The following EXOC2 variants were observed in gnomAD, a reference collection of about 807,000 sequenced individuals.
EXOC2 encodes the protein SEC5-like 1.
EXOC2 carries 70 observed loss-of-function variants against 131.8 expected under a neutral mutation model. The observed-to-expected ratio is 0.53, with a 90% CI of 0.44 to 0.65. EXOC2 has a LOEUF of 0.65. Ranked by LOEUF, EXOC2 falls within the 30% of genes least tolerant of loss-of-function variation. EXOC2 has a pLI of 0.00. For missense variants in EXOC2, 923 were observed against 1,108.6 expected, an observed-to-expected ratio of 0.83 and a Z score of 2.38; for synonymous variants, 411 against 398.4, an observed-to-expected ratio of 1.03 and a Z score of -0.38.
intron 13 of EXOC2, among the ~76,000 whole-genome samples, chr6:566,522 G>A (rs1367470361): frequency 1.3e-5 from 2 of 152,202 alleles, no homozygotes; most frequent in Non-Finnish European, 2.9e-5. Flanking sequence ...TAACACCAGC[G>A]GCTCTGAGTG....
chr6:614,135 T>C (rs1212790003), intron 6 of EXOC2, among the ~76,000 whole-genome samples: 3 of 152,082 alleles, frequency 2.0e-5, no homozygotes, highest in Admixed American at 6.6e-5. Flanking sequence ...CTCTAAACTC[T>C]TGAAATGTTC....
Position 581,732 on chromosome 6 carries a change from T to G in EXOC2, c.1193-4850A>C, listed in dbSNP as rs141415732. Among the ~76,000 whole-genome samples, 351 of 137,644 alleles carry G rather than the reference T, an allele frequency of 2.6e-3. 3 individuals carry two copies. The highest frequency in any genetic ancestry group is 0.018 in the Middle Eastern group (5 of 272). The allele number at this position is 137,644 out of a possible 152,430, so 90.3% of individuals were successfully genotyped here. A position where few individuals can be genotyped will look rare whatever the true frequency, so the allele number is the denominator to read the frequency against. The stretch of plus-strand genomic sequence containing the variant: ...ATCACAAATGCCTGGAATTAGTATC[T>G]TGGAAGGAAAAAAAAATCCTTTAAC... On this transcript the variant is annotated intron_variant, in intron 11 of 27. Coordinates refer to ENST00000230449, the MANE Select transcript of EXOC2 (RefSeq NM_018303.6).
Position 553,906 on chromosome 6 carries a change from A to G in EXOC2, c.2069T>C (p.Val690Ala), listed in dbSNP as rs375661759. ...ACTTCCAAACAAGTCAGGGGAAGAA[A>G]CATCAACAGAGAGACTGAACATAGA... ...DIDTTHLSVD[V>A]SSPDLFGSIH... Residue 690 changes from valine to alanine, a missense_variant, in exon 21 of 28, where the codon GTT becomes GCT. Transcript: ENST00000230449. The G allele has an allele frequency of 2.7e-5, 43 of 1,613,960 alleles. No individual in the cohort carries two copies. The highest frequency in any genetic ancestry group is 3.2e-5 in the Non-Finnish European group (38 of 1,179,918).
Position 495,315 on chromosome 6 carries a change from C to CG in EXOC2, c.2559+2051dup, listed in dbSNP as rs553490611. 8.7e-3 allele frequency among the ~76,000 whole-genome samples: 1,317 copies of CG among 150,982 alleles called. 12 individuals are homozygous for CG. The highest frequency in any genetic ancestry group is 0.046 in the South Asian group (217 of 4,766). ...TAATTTTTTGTATTTTTAGTAGAGA[C>CG]GGGTTTCACCGTGTTAGCCAGGATG... On this transcript the variant is annotated intron_variant, in intron 25 of 27. Coordinates refer to ENST00000230449, the MANE Select transcript of EXOC2 (RefSeq NM_018303.6).
intron 22 of EXOC2, among the ~76,000 whole-genome samples, chr6:534,683 AG>A (rs1241998963): frequency 6.6e-6 from 1 of 152,246 alleles, no homozygotes; most frequent in Non-Finnish European, 1.5e-5. Context: ...CAAGGGTTCA[AG>A]GAGTATTTCA....
At position 651,646 on chromosome 6, in the gene EXOC2, C is replaced by G. The variant is rs145612425; in HGVS notation, c.-43-13785G>C. ...CCAACCTGGGCAACAGAGCAAGACT[C>G]CGTCTCAGAAAAATAAATAAATAAA... is the stretch of plus-strand genomic sequence containing the variant. On this transcript the variant is annotated intron_variant, in intron 1 of 27. Transcript: ENST00000230449. 7.0e-3 allele frequency among the ~76,000 whole-genome samples: 1,027 copies of G among 147,600 alleles called. 13 individuals carry two copies. The highest frequency in any genetic ancestry group is 0.024 in the African/African-American group (977 of 40,462).
chr6:648,873 C>A (rs1446873913), intron 1 of EXOC2, among the ~76,000 whole-genome samples: 1 of 151,770 alleles, frequency 6.6e-6, no homozygotes, highest in African/African-American at 2.4e-5. Flanking sequence ...AGGCATGCAC[C>A]ACCATGCCTG....
At chr6:514,542 C>T (rs1406061446) in intron 23 of EXOC2, among the ~76,000 whole-genome samples, 2 of 152,194 alleles carry the variant, frequency 1.3e-5, no homozygotes, top group African/African-American at 4.8e-5. Flanking sequence ...ATGAGTAAAT[C>T]CATGCGCTGC....
chr6:673,915 C>T (rs1013149541), intron 1 of EXOC2, among the ~76,000 whole-genome samples: 1 of 152,026 alleles, frequency 6.6e-6, no homozygotes, highest in East Asian at 1.9e-4. Flanking sequence ...CTTCATTTTG[C>T]TTTTTTTAAA....
chr6:570,585 G>A (rs113602394), intron 13 of EXOC2, among the ~76,000 whole-genome samples: 1 of 152,148 alleles, frequency 6.6e-6, no homozygotes, highest in African/African-American at 2.4e-5. Flanking sequence ...ATTTCAAACA[G>A]TGGAAATACT....
At chr6:502,315 C>T (rs145683233) in intron 23 of EXOC2, among the ~76,000 whole-genome samples, 12 of 152,252 alleles carry the variant, frequency 7.9e-5, no homozygotes, top group East Asian at 1.9e-4. Flanking sequence ...CGATGTGCTA[C>T]GGTGCAAGGA....
chr6:678,066 C>T (rs910014854), intron 1 of EXOC2, among the ~76,000 whole-genome samples: 9 of 152,192 alleles, frequency 5.9e-5, no homozygotes, highest in Admixed American at 2.6e-4. Context: ...ACCGTGAGCA[C>T]GCAATGAGAG....
At chr6:523,079 A>G (rs957272182) in intron 23 of EXOC2, among the ~76,000 whole-genome samples, 1 of 152,256 alleles carries the variant, frequency 6.6e-6, no homozygotes, top group African/African-American at 2.4e-5. Context: ...ATAGGGAAAA[A>G]AAAATCTGTT....
intron 1 of EXOC2, chr6:655,860 G>A: frequency 2.9e-6 from 1 of 348,182 alleles, no homozygotes; most frequent in Non-Finnish European, 5.2e-6. Context: ...GAAAAAAAGA[G>A]TTGAAGAATA....
chr6:536,101 T>C (rs1179064220), intron 22 of EXOC2, among the ~76,000 whole-genome samples: 1 of 152,088 alleles, frequency 6.6e-6, no homozygotes, highest in Non-Finnish European at 1.5e-5. Context: ...CTCCAGAAGA[T>C]CAGGAATAAG....
In EXOC2 at chr6:564,890, C is replaced by A; in HGVS notation, c.1483G>T (p.Val495Leu). The change falls in exon 14 of 28, where the codon GTA becomes TTA. Residue 495 changes from valine (V) to leucine (L), a missense_variant. Transcript: ENST00000230449. ...KSGQIERSKNVRQRQNDFKKM... is the reference protein window; with the variant it reads ...KSGQIERSKNLRQRQNDFKKM... ...TTAAAATCATTTTGTCTTTGCCTTA[C>A]ATTCTTTGATCTTTCAATCTGGCCT... 2 of 1,612,944 alleles carry A rather than the reference C, an allele frequency of 1.2e-6. No homozygotes were observed. Among genetic ancestry groups the A allele is most frequent in the Non-Finnish European group, 1.7e-6 (2 of 1,179,592 alleles).
rs556554190 is a variant in EXOC2 at position 574,304 on chromosome 6, C to T, written c.1319-1660G>A. Among the ~76,000 whole-genome samples the T allele has an allele frequency of 9.3e-4, 141 of 152,270 alleles. 1 individual carries two copies. The highest frequency in any genetic ancestry group is 3.2e-3 in the African/African-American group (134 of 41,538). ...AATTTTGATAGATATTATTGAACTG[C>T]CCTCTAAAGGAAGTATGCCCTCATA... On this transcript the variant is annotated intron_variant, in intron 12 of 27. Coordinates refer to ENST00000230449, the MANE Select transcript of EXOC2 (RefSeq NM_018303.6).
intron 2 of EXOC2, 21 bp from the exon 3 acceptor site, chr6:633,138 A>G (rs1439265600): frequency 5.0e-6 from 8 of 1,606,664 alleles, no homozygotes; most frequent in Admixed American, 3.4e-5. Flanking sequence ...ACGCATGTGC[A>G]TAACAAAATT....
chr6:631,309 G>A (rs756499127), intron 3 of EXOC2, among the ~76,000 whole-genome samples: 2 of 152,166 alleles, frequency 1.3e-5, no homozygotes, highest in Non-Finnish European at 2.9e-5. Context: ...GGAGGCCGAG[G>A]TGGGCGAATC....
Sources: allele counts gnomAD v4.1 joint callset (sites outside exome capture counted in the v4.1 genomes callset), GRCh38; gene constraint gnomAD v4.1.1; transcripts MANE v1.5; gene names NCBI Gene and HGNC (gene_info 2026-07-23, HGNC 2026-07-21).